The following CAMTA1 variants were observed in gnomAD, a reference collection of about 807,000 sequenced individuals.
CAMTA1 encodes the protein calmodulin-binding transcription activator 1.
Under a neutral mutation model 170.9 loss-of-function variants are expected in CAMTA1, and 27 were observed. The ratio of observed to expected loss-of-function variants is 0.16; its 90% confidence interval spans 0.12 to 0.22. The LOEUF (loss-of-function observed/expected upper bound fraction) is 0.22. Among genes scored for constraint, CAMTA1 ranks in the 10% least tolerant of loss-of-function variants. The pLI is 1.00. For synonymous variants in CAMTA1, 833 were observed against 891.5 expected, an observed-to-expected ratio of 0.93 and a Z score of 1.17; for missense variants, 1,619 against 2,217.2, an observed-to-expected ratio of 0.73 and a Z score of 5.42.
intron 5 of CAMTA1, among the ~76,000 whole-genome samples, chr1:7,367,670 G>A (rs965167071): frequency 6.6e-6 from 1 of 152,268 alleles, no homozygotes; most frequent in Non-Finnish European, 1.5e-5. Flanking sequence ...AGAATAAGTG[G>A]CCTAAGTCTG....
chr1:7,330,357 G>A (rs1359315130), intron 5 of CAMTA1, among the ~76,000 whole-genome samples: 2 of 152,236 alleles, frequency 1.3e-5, no homozygotes, highest in Non-Finnish European at 2.9e-5. Flanking sequence ...GCAGGAAGAG[G>A]CCTGACGGTG....
intron 6 of CAMTA1, among the ~76,000 whole-genome samples, chr1:7,489,251 A>G (rs966111116): frequency 6.6e-5 from 10 of 152,234 alleles, no homozygotes; most frequent in African/African-American, 2.4e-4. Flanking sequence ...CCAGATGCTG[A>G]AAAAGATTCA....
rs1308487159 is a variant in CAMTA1 at position 7,324,251 on chromosome 1, G to A, written c.438+74625G>A. Among the ~76,000 whole-genome samples the A allele has an allele frequency of 2.0e-5, 3 of 152,182 alleles. No individual in the cohort carries two copies. The East Asian group carries it at 5.8e-4, about 29-fold the overall frequency. On this transcript the variant is annotated intron_variant, in intron 5 of 22. Transcript: ENST00000303635. ...AATATGGTGATCCTCTTTATCTCTA[G>A]TAATGCTTTTGGCCTTGAAATCTAT...
chr1:6,882,020 A>G (rs2149075515), intron 3 of CAMTA1, among the ~76,000 whole-genome samples: 1 of 152,298 alleles, frequency 6.6e-6, no homozygotes, highest in African/African-American at 2.4e-5. Context: ...TAGTGCAGAG[A>G]ATCTTCCAGG....
intron 6 of CAMTA1, among the ~76,000 whole-genome samples, chr1:7,568,236 C>T (rs767151294): frequency 2.0e-5 from 3 of 150,334 alleles, no homozygotes; most frequent in Non-Finnish European, 3.0e-5. Flanking sequence ...CACCATCCAT[C>T]ATCAACATCA....
At chr1:7,076,189 C>T (rs954279806) in intron 3 of CAMTA1, among the ~76,000 whole-genome samples, 1 of 152,206 alleles carries the variant, frequency 6.6e-6, no homozygotes, top group Non-Finnish European at 1.5e-5. Flanking sequence ...ACTTTGTAGA[C>T]TGTCATCACG....
intron 6 of CAMTA1, among the ~76,000 whole-genome samples, chr1:7,637,966 G>A (rs765504539): frequency 7.2e-5 from 11 of 152,254 alleles, no homozygotes; most frequent in Non-Finnish European, 1.3e-4. Flanking sequence ...GCTCCTGTTC[G>A]TGTTGATTGA....
chr1:7,203,419 CATT>C, intron 4 of CAMTA1, among the ~76,000 whole-genome samples: 1 of 150,838 alleles, frequency 6.6e-6, no homozygotes, highest in East Asian at 1.9e-4. Flanking sequence ...GAATCACATT[CATT>C]ATTATTTACA....
At chr1:7,495,899 C>T (rs1479026212) in intron 6 of CAMTA1, among the ~76,000 whole-genome samples, 2 of 152,226 alleles carry the variant, frequency 1.3e-5, no homozygotes, top group South Asian at 4.1e-4. Context: ...TGGGAGGTGA[C>T]GGGCACTGCC....
chr1:7,255,922 C>T (rs1255145296), intron 5 of CAMTA1, among the ~76,000 whole-genome samples: 4 of 152,214 alleles, frequency 2.6e-5, no homozygotes, highest in Non-Finnish European at 5.9e-5. Context: ...GGCTGCCCCT[C>T]CTGTCTGGCT....
At chr1:7,560,408 A>G (rs1294213840) in intron 6 of CAMTA1, among the ~76,000 whole-genome samples, 1 of 152,212 alleles carries the variant, frequency 6.6e-6, no homozygotes. Context: ...CTGCGGCAGC[A>G]TGGGCTGGGA....
chr1:6,902,072 C>CACAAAAAA (rs3986505), intron 3 of CAMTA1, among the ~76,000 whole-genome samples: 52 of 88,460 alleles, frequency 5.9e-4, no homozygotes, highest in Non-Finnish European at 9.6e-4. Flanking sequence ...CACACACACA[C>CACAAAAAA]AAAAAAAAAA....
intron 4 of CAMTA1, among the ~76,000 whole-genome samples, chr1:7,150,806 G>T (rs1646528141): frequency 6.6e-6 from 1 of 152,138 alleles, no homozygotes; most frequent in Non-Finnish European, 1.5e-5. Flanking sequence ...CCTGGCTCCT[G>T]GTCAGACATA....
intron 5 of CAMTA1, among the ~76,000 whole-genome samples, chr1:7,411,573 T>G (rs976208104): frequency 5.8e-4 from 84 of 145,956 alleles, no homozygotes; most frequent in Non-Finnish European, 7.2e-4. Context: ...AGTATCAAGT[T>G]AAATAACTTT....
intron 4 of CAMTA1, among the ~76,000 whole-genome samples, chr1:7,139,675 C>A (rs888675582): frequency 6.6e-6 from 1 of 152,112 alleles, no homozygotes; most frequent in Non-Finnish European, 1.5e-5. Flanking sequence ...TATTCCTTGG[C>A]GACTAGGTAG....
At chr1:7,658,254 G>C (rs2095922477) in intron 7 of CAMTA1, among the ~76,000 whole-genome samples, 2 of 152,242 alleles carry the variant, frequency 1.3e-5, no homozygotes, top group African/African-American at 4.8e-5. Context: ...AGGCTCCCGT[G>C]ATGAGCTCTG....
At chr1:7,507,068 C>T (rs752967025) in intron 6 of CAMTA1, among the ~76,000 whole-genome samples, 1 of 151,992 alleles carries the variant, frequency 6.6e-6, no homozygotes, top group African/African-American at 2.4e-5. Flanking sequence ...CACACTTGCT[C>T]TCATATTGAC....
intron 6 of CAMTA1, among the ~76,000 whole-genome samples, chr1:7,489,696 C>T (rs533468159): frequency 4.6e-5 from 7 of 152,206 alleles, no homozygotes; most frequent in East Asian, 1.9e-4. Context: ...TAAAGTGGCA[C>T]GCATCCAGCC....
At position 6,919,705 on chromosome 1, in the gene CAMTA1, G is replaced by A. The variant is rs139976137; in HGVS notation, c.234+94495G>A. On this transcript the variant is annotated intron_variant, in intron 3 of 22. Coordinates refer to ENST00000303635, the MANE Select transcript of CAMTA1 (RefSeq NM_015215.4). ...GGTTTAATTGGACTCACAGTTCTACGTGAATGAGGAGGCCTCACAATCATG... is the reference window on the plus strand; with the variant it reads ...GGTTTAATTGGACTCACAGTTCTACATGAATGAGGAGGCCTCACAATCATG... Among the ~76,000 whole-genome samples, 423 of 152,310 alleles carry A rather than the reference G, an allele frequency of 2.8e-3. 3 individuals carry two copies. Among genetic ancestry groups the A allele is most frequent in the African/African-American group, 9.8e-3 (407 of 41,560 alleles).
Sources: allele counts gnomAD v4.1 joint callset (sites outside exome capture counted in the v4.1 genomes callset), GRCh38; gene constraint gnomAD v4.1.1; transcripts MANE v1.5; gene names NCBI Gene and HGNC (gene_info 2026-07-23, HGNC 2026-07-21).